GLI3: variants seen among roughly 807,000 people sequenced by gnomAD.
The protein encoded by GLI3 is transcription activator GLI3.
GLI3 carries 20 observed loss-of-function variants against 100.8 expected under a neutral mutation model. The observed-to-expected ratio is 0.20, with a 90% confidence interval of 0.14 to 0.29. The LOEUF is 0.29. Ranked by LOEUF, GLI3 falls within the 10% of genes least tolerant of loss-of-function variation. The pLI, the probability that GLI3 is intolerant of heterozygous loss-of-function variation, is 1.00. For missense variants in GLI3, 2,040 were observed against 2,128.5 expected, an observed-to-expected ratio of 0.96 and a Z score of 0.82; for synonymous variants, 938 against 860.5, an observed-to-expected ratio of 1.09 and a Z score of -1.58.
At chr7:42,119,996 T>C (rs1332507681) in intron 3 of GLI3, among the ~76,000 whole-genome samples, 1 of 152,108 alleles carries the variant, frequency 6.6e-6, no homozygotes, top group Non-Finnish European at 1.5e-5. Context: ...CCCTCGCACT[T>C]ATAGAGGGAG....
intron 7 of GLI3, among the ~76,000 whole-genome samples, chr7:42,036,007 C>T (rs550167941): frequency 3.9e-5 from 6 of 152,216 alleles, no homozygotes; most frequent in Admixed American, 2.0e-4. Flanking sequence ...TTGTCAGGTA[C>T]GTCTAGACAA....
chr7:41,995,423 T>A (rs1281735068), intron 10 of GLI3, among the ~76,000 whole-genome samples: 2 of 152,138 alleles, frequency 1.3e-5, no homozygotes, highest in African/African-American at 2.4e-5. Context: ...TTGTCCGATG[T>A]CTTTCTACTT....
chr7:42,011,680 A>G (rs1788617139), intron 10 of GLI3, among the ~76,000 whole-genome samples: 1 of 152,180 alleles, frequency 6.6e-6, no homozygotes, highest in Non-Finnish European at 1.5e-5. Context: ...ATTTTGTATG[A>G]TTTCATTTAT....
chr7:42,078,938 C>A (rs1230178584), intron 3 of GLI3, among the ~76,000 whole-genome samples: 2 of 152,010 alleles, frequency 1.3e-5, no homozygotes, highest in Admixed American at 6.6e-5. Context: ...ACCGTGTTAG[C>A]CAGGATGGTC....
chr7:41,977,889 A>G lies in GLI3; in HGVS notation c.1648-167T>C, dbSNP rs532783442. The G allele has an allele frequency of 1.9e-5, 13 of 681,954 alleles. 1 individual carries two copies. Among genetic ancestry groups the G allele is most frequent in the Admixed American group, 1.3e-4 (6 of 45,388 alleles). The allele number at this position is 681,954 out of a possible 1,614,324, so 42.2% of individuals were successfully genotyped here. On this transcript the variant is annotated intron_variant, in intron 11 of 14. Coordinates refer to ENST00000395925, the MANE Select transcript of GLI3 (RefSeq NM_000168.6). ...TCTGCATTTATTGGGATTCAGATGTAGCTTGGTGTAGTTCCAGATAAAGAG... is the reference window on the plus strand; with the variant it reads ...TCTGCATTTATTGGGATTCAGATGTGGCTTGGTGTAGTTCCAGATAAAGAG...
At chr7:42,020,793 G>T (rs1459412610) in intron 10 of GLI3, among the ~76,000 whole-genome samples, 1 of 151,772 alleles carries the variant, frequency 6.6e-6, no homozygotes, top group African/African-American at 2.4e-5. Flanking sequence ...GGGAGGCTGA[G>T]GCAGGAGAAT....
intron 2 of GLI3, among the ~76,000 whole-genome samples, chr7:42,182,780 A>C (rs750636844): frequency 5.3e-5 from 8 of 150,208 alleles, no homozygotes; most frequent in African/African-American, 1.5e-4. Flanking sequence ...AGTCCCAAAC[A>C]AATTGCTTTT....
At chr7:42,004,149 CT>C (rs1429476904) in intron 10 of GLI3, among the ~76,000 whole-genome samples, 1 of 152,124 alleles carries the variant, frequency 6.6e-6, no homozygotes, top group Non-Finnish European at 1.5e-5. Context: ...TCTATGTTAA[CT>C]GAACAGTAAA....
intron 2 of GLI3, among the ~76,000 whole-genome samples, chr7:42,204,204 C>A (rs1304916674): frequency 1.3e-5 from 2 of 152,090 alleles, no homozygotes. Context: ...CCTCTCCATT[C>A]ACATTCTCTG....
chr7:42,133,643 G>GAAA (rs11400220), intron 3 of GLI3, among the ~76,000 whole-genome samples: 32 of 140,320 alleles, frequency 2.3e-4, no homozygotes, highest in Non-Finnish European at 2.6e-4. Context: ...GAAAGCAGCA[G>GAAA]AAAAAAAAAA....
intron 1 of GLI3, among the ~76,000 whole-genome samples, chr7:42,263,454 T>TAG (rs369032143): frequency 2.0e-5 from 3 of 151,012 alleles, no homozygotes; most frequent in African/African-American, 7.4e-5. Flanking sequence ...TTTATTTATT[T>TAG]TTTTTTTTTG....
At chr7:42,113,548 G>C in intron 3 of GLI3, 3 of 1,188,110 alleles carry the variant, frequency 2.5e-6, no homozygotes, top group Non-Finnish European at 3.7e-6. Flanking sequence ...GCAAGGAGGG[G>C]AATAACCCTA....
At chr7:41,968,701 G>A (rs1583735832) in intron 13 of GLI3, among the ~76,000 whole-genome samples, 1 of 109,526 alleles carries the variant, frequency 9.1e-6, no homozygotes, top group East Asian at 2.4e-4. Context: ...AAGAAAGAAA[G>A]AAAGAAAGAA....
chr7:41,990,585 A>G (rs1472667924), intron 10 of GLI3, among the ~76,000 whole-genome samples: 6 of 152,214 alleles, frequency 3.9e-5, no homozygotes, highest in Admixed American at 3.9e-4. Context: ...TCACTAAAAT[A>G]TAGGTTAAAA....
At chr7:42,122,015 C>A (rs1786012561) in intron 3 of GLI3, among the ~76,000 whole-genome samples, 1 of 152,094 alleles carries the variant, frequency 6.6e-6, no homozygotes, top group Admixed American at 6.6e-5. Context: ...AGGGCCATTA[C>A]CTCCCAGGCT....
chr7:41,976,045 A>T (rs1358410694), intron 12 of GLI3, among the ~76,000 whole-genome samples: 1 of 152,152 alleles, frequency 6.6e-6, no homozygotes, highest in Non-Finnish European at 1.5e-5. Context: ...CTAATTCCAG[A>T]ATATCTTCAC....
intron 10 of GLI3, among the ~76,000 whole-genome samples, chr7:41,986,533 A>G (rs1562671061): frequency 1.3e-5 from 2 of 152,158 alleles, no homozygotes; most frequent in African/African-American, 4.8e-5. Flanking sequence ...ACGCATACAC[A>G]TTACAACATG....
At chr7:42,018,168 T>A (rs527834243) in intron 10 of GLI3, among the ~76,000 whole-genome samples, 1 of 152,184 alleles carries the variant, frequency 6.6e-6, no homozygotes, top group South Asian at 2.1e-4. Flanking sequence ...AGGTGCAATT[T>A]AGTCAGCAAC....
intron 2 of GLI3, among the ~76,000 whole-genome samples, chr7:42,161,061 T>C (rs895705973): frequency 6.6e-6 from 1 of 152,158 alleles, no homozygotes; most frequent in Non-Finnish European, 1.5e-5. Flanking sequence ...ACACTTGAAA[T>C]TTTCCCGAGG....
Sources: gnomAD v4.1 joint callset for allele counts (sites outside exome capture counted in the v4.1 genomes callset) on GRCh38, gnomAD v4.1.1 for gene constraint, MANE v1.5 for transcripts, NCBI Gene and HGNC (gene_info 2026-07-23, HGNC 2026-07-21) for gene names.